The following HERC3 variants were observed in gnomAD, a reference collection of about 807,000 sequenced individuals.
HERC3 encodes the protein HECT and RLD domain containing E3 ubiquitin protein ligase 3, also known as probable E3 ubiquitin-protein ligase HERC3.
HERC3 carries 58 observed loss-of-function variants against 129.9 expected under a neutral mutation model. That is an observed-to-expected ratio of 0.45 (90% CI 0.36 to 0.56). The LOEUF (loss-of-function observed/expected upper bound fraction) is 0.56. Among genes scored for constraint, HERC3 ranks in the 20% least tolerant of loss-of-function variants. The probability of loss-of-function intolerance (pLI) is 0.00; values close to 1 mark genes in which losing one functional copy is unlikely to be tolerated. For synonymous variants in HERC3, 430 were observed against 451.0 expected, an observed-to-expected ratio of 0.95 and a Z score of 0.59; for missense variants, 835 against 1,244.2, an observed-to-expected ratio of 0.67 and a Z score of 4.95.
chr4:88,571,772 G>A, the HERC3 span, among the ~76,000 whole-genome samples: 1 of 152,082 alleles, frequency 6.6e-6, no homozygotes, highest in Non-Finnish European at 1.5e-5. Flanking sequence ...TTTGAATATT[G>A]TTTATAAGTA....
chr4:88,635,517 C>G (rs1727281270), intron 3 of HERC3, among the ~76,000 whole-genome samples: 1 of 151,984 alleles, frequency 6.6e-6, no homozygotes, highest in African/African-American at 2.4e-5. Flanking sequence ...AAGACCGAAC[C>G]TAAGACTGAT....
intron 2 of HERC3, chr4:88,598,042 T>C (rs572008105): frequency 6.6e-6 from 1 of 152,338 alleles, no homozygotes; most frequent in Non-Finnish European, 1.5e-5. Flanking sequence ...GGACATTGTC[T>C]TTTCCTGCTG....
chr4:88,662,384 C>G, intron 10 of HERC3, 47 bp from the exon 11 acceptor site: 1 of 1,555,854 alleles, frequency 6.4e-7, no homozygotes, highest in Non-Finnish European at 8.7e-7. Flanking sequence ...GAGACAAGAT[C>G]CATGCTACAT....
At chr4:88,663,731 C>T (rs1031367992) in intron 11 of HERC3, among the ~76,000 whole-genome samples, 1 of 152,170 alleles carries the variant, frequency 6.6e-6, no homozygotes, top group African/African-American at 2.4e-5. Flanking sequence ...CTCAGATATG[C>T]AGCAAAATAG....
intron 2 of HERC3, among the ~76,000 whole-genome samples, chr4:88,602,803 A>G (rs1001141365): frequency 6.6e-6 from 1 of 152,160 alleles, no homozygotes; most frequent in Non-Finnish European, 1.5e-5. Flanking sequence ...ATATCCAGAT[A>G]AAGTGATTCA....
rs879343263 is a variant in HERC3, at chr4:88,654,381, T to C, written c.777+248T>C. On this transcript the variant is annotated intron_variant, in intron 7 of 25. Transcript: ENST00000402738. The stretch of plus-strand genomic sequence containing the variant: ...ATATATATATATATATATATATATA[T>C]ATATATACACACACACACATAATGT... Among the ~76,000 whole-genome samples, 414 of 100,836 alleles carry C rather than the reference T, an allele frequency of 4.1e-3. 2 individuals carry two copies. The highest frequency in any genetic ancestry group is 7.0e-3 in the African/African-American group (202 of 29,052). The allele number at this position is 100,836 out of a possible 152,430, so 66.2% of individuals were successfully genotyped here. A position where few individuals can be genotyped will look rare whatever the true frequency, so the allele number is the denominator to read the frequency against.
intron 3 of HERC3, among the ~76,000 whole-genome samples, chr4:88,643,662 G>A (rs1728376936): frequency 6.6e-6 from 1 of 152,190 alleles, no homozygotes; most frequent in East Asian, 1.9e-4. Flanking sequence ...TTTAGCAAAG[G>A]GTAGTGGAAC....
upstream of HERC3, among the ~76,000 whole-genome samples, chr4:88,591,938 C>T (rs1721734416): frequency 6.6e-6 from 1 of 151,996 alleles, no homozygotes; most frequent in Non-Finnish European, 1.5e-5. Flanking sequence ...AGAGCGCCGG[C>T]GGCTGCCGCG....
intron 13 of HERC3, 34 bp downstream of exon 13, chr4:88,667,522 A>G: frequency 1.7e-6 from 2 of 1,188,302 alleles, no homozygotes; most frequent in Non-Finnish European, 2.4e-6. Flanking sequence ...GCATTCTTAA[A>G]AATGCATTTT....
At chr4:88,554,161 C>CA in the HERC3 span, among the ~76,000 whole-genome samples, 3 of 152,026 alleles carry the variant, frequency 2.0e-5, no homozygotes, top group Non-Finnish European at 4.4e-5. Context: ...TCCTGGCCAA[C>CA]ATGGTGAAAC....
At chr4:88,682,208 T>C (rs1220834270) in intron 21 of HERC3, among the ~76,000 whole-genome samples, 1 of 152,258 alleles carries the variant, frequency 6.6e-6, no homozygotes, top group Non-Finnish European at 1.5e-5. Context: ...TCTCTTGGTA[T>C]ATGCCTAGGA....
intron 23 of HERC3, among the ~76,000 whole-genome samples, chr4:88,698,804 C>T (rs959429762): frequency 2.8e-4 from 41 of 148,974 alleles, no homozygotes; most frequent in Non-Finnish European, 5.5e-4. Flanking sequence ...CATCTTCTTC[C>T]CCGCCTTCTT....
At chr4:88,581,994 T>C in the HERC3 span, among the ~76,000 whole-genome samples, 2 of 152,176 alleles carry the variant, frequency 1.3e-5, no homozygotes, top group Non-Finnish European at 2.9e-5. Context: ...GCCCACTTGA[T>C]GTCTAACTGA....
intron 10 of HERC3, among the ~76,000 whole-genome samples, chr4:88,660,175 A>C (rs1296056442): frequency 6.6e-6 from 1 of 152,120 alleles, no homozygotes; most frequent in Non-Finnish European, 1.5e-5. Flanking sequence ...TTAAAGAACC[A>C]AGAAAAAGCA....
At chr4:88,558,071 C>CAAAAAAAAAAAAAAAAAA in the HERC3 span, among the ~76,000 whole-genome samples, 34 of 39,114 alleles carry the variant, frequency 8.7e-4, no homozygotes, top group Non-Finnish European at 1.5e-3. Context: ...GACTCTGACT[C>CAAAAAAAAAAAAAAAAAA]AAAAAAAAAA....
chr4:88,698,731 A>G (rs1007697323), intron 23 of HERC3, among the ~76,000 whole-genome samples: 1 of 140,028 alleles, frequency 7.1e-6, no homozygotes, highest in African/African-American at 2.7e-5. Context: ...ACACCTTTCC[A>G]CACCACATCT....
the HERC3 span, among the ~76,000 whole-genome samples, chr4:88,559,947 G>C: frequency 6.7e-6 from 1 of 148,188 alleles, no homozygotes; most frequent in African/African-American, 2.6e-5. Flanking sequence ...CTAGCCAACA[G>C]TTGTTATTTT....
intron 12 of HERC3, among the ~76,000 whole-genome samples, 179 bp downstream of exon 12, chr4:88,664,391 A>T (rs1027969079): frequency 3.9e-5 from 6 of 152,118 alleles, no homozygotes; most frequent in South Asian, 2.1e-4. Flanking sequence ...CCATCTTTTT[A>T]AAAAAAGTTT....
chr4:88,555,219 G>C, the HERC3 span, among the ~76,000 whole-genome samples: 3 of 150,654 alleles, frequency 2.0e-5, no homozygotes, highest in Non-Finnish European at 4.4e-5. Context: ...GGAGGCGGAG[G>C]TTGCAGTGAG....
Sources: allele counts gnomAD v4.1 joint callset (sites outside exome capture counted in the v4.1 genomes callset), GRCh38; gene constraint gnomAD v4.1.1; transcripts MANE v1.5; gene names NCBI Gene and HGNC (gene_info 2026-07-23, HGNC 2026-07-21).